The following DMAC2 variants were observed in gnomAD, a reference collection of about 807,000 sequenced individuals.
DMAC2 encodes the protein distal membrane-arm assembly complex protein 2.
Under a neutral mutation model 29.6 loss-of-function variants are expected in DMAC2, and 32 were observed. That is an observed-to-expected ratio of 1.08 (90% confidence interval 0.81 to 1.45). DMAC2 has a LOEUF of 1.45. DMAC2 is among the 40% of genes most tolerant of loss of function. The probability of loss-of-function intolerance (pLI) is 0.00; values close to 1 mark genes in which losing one functional copy is unlikely to be tolerated. For synonymous variants in DMAC2, 133 were observed against 137.4 expected (o/e 0.97, Z 0.23); for missense variants, 319 against 340.0 (o/e 0.94, Z 0.49).
chr19:41,436,279 C>T, intron 3 of DMAC2, 113 bp downstream of exon 3: 1 of 861,398 alleles, frequency 1.2e-6, no homozygotes, highest in South Asian at 1.5e-5. Context: ...GCCACACAGC[C>T]AGGAGGCGGC....
At chr19:41,432,776 C>A in intron 5 of DMAC2, 1 of 271,896 alleles carries the variant, frequency 3.7e-6, no homozygotes, top group South Asian at 4.1e-5. Flanking sequence ...AGGTACAGGA[C>A]AGCGTGCGTG....
At chr19:41,438,462 A>T in intron 1 of DMAC2, 48 bp from the exon 2 acceptor site, 4 of 1,495,664 alleles carry the variant, frequency 2.7e-6, no homozygotes, top group Non-Finnish European at 2.7e-6. Flanking sequence ...CTCCTGGGAG[A>T]CACAGAGCTG....
At chr19:41,435,113 G>A (rs886256648) in intron 3 of DMAC2, among the ~76,000 whole-genome samples, 2 of 152,136 alleles carry the variant, frequency 1.3e-5, no homozygotes, top group Admixed American at 6.5e-5. Context: ...CTGGGTAGCT[G>A]GGATTACAGG....
In DMAC2 at chr19:41,432,060, A is replaced by G; in HGVS notation, c.*171T>C. The G allele has an allele frequency of 1.4e-6, 1 of 736,054 alleles. No homozygotes were observed. The highest frequency in any genetic ancestry group is 2.2e-6 in the Non-Finnish European group (1 of 458,668). The allele number at this position is 736,054 out of a possible 1,614,324, so 45.6% of individuals were successfully genotyped here. A position where few individuals can be genotyped will look rare whatever the true frequency, so the allele number is the denominator to read the frequency against. On this transcript the variant is annotated 3_prime_UTR_variant, in exon 6 of 6. Coordinates refer to ENST00000221943, the MANE Select transcript of DMAC2 (RefSeq NM_018035.3). Reference sequence around the variant, plus strand: ...TGACAGGAGCTGTGACCTTTAGCCAAGGGCAGCCAGGAATAAATACTGGGA... The same window carrying G: ...TGACAGGAGCTGTGACCTTTAGCCAGGGGCAGCCAGGAATAAATACTGGGA...
At chr19:41,432,865 CGTGCGTGTGTGTGT>C (rs1568518033) in intron 5 of DMAC2, 10 of 378,854 alleles carry the variant, frequency 2.6e-5, no homozygotes, top group African/African-American at 2.2e-4. Context: ...AGTGTGTGTG[CGTGCGTGTGTGTGT>C]GTGCGTGCGT....
chr19:41,439,314 T>C, intron 1 of DMAC2: 1 of 551,672 alleles, frequency 1.8e-6, no homozygotes, highest in Non-Finnish European at 3.2e-6. Context: ...CTAAATTCAT[T>C]CCTTGATTTT....
chr19:41,439,395 T>C (rs1337422509), intron 1 of DMAC2: 4 of 1,037,392 alleles, frequency 3.9e-6, no homozygotes, highest in African/African-American at 3.2e-5. Flanking sequence ...AACCTCCAAA[T>C]TGACCTCTTG....
In DMAC2 at chr19:41,432,228, A is replaced by T. The variant is rs1555769097; in HGVS notation, c.*3T>A. 6.2e-7 allele frequency: 1 copy of T among 1,612,902 alleles called. No homozygotes were observed. The highest frequency in any genetic ancestry group is 1.7e-5 in the Admixed American group (1 of 59,952). The stretch of plus-strand genomic sequence containing the variant: ...GCCACGTGAGTGGGGACAGGGCTAA[A>T]GGCTAGGCAGGGACAGGGCTGGCTG... On this transcript the variant is annotated 3_prime_UTR_variant, in exon 6 of 6. Transcript: ENST00000221943.
intron 3 of DMAC2, among the ~76,000 whole-genome samples, chr19:41,435,166 C>T (rs971247742): frequency 3.3e-5 from 5 of 151,920 alleles, no homozygotes; most frequent in South Asian, 2.1e-4. Flanking sequence ...TTGGTAGAGA[C>T]GAGGTTTCAC....
rs1555771831 is a variant in DMAC2 at position 41,438,340 on chromosome 19, TGG to T, written c.91_92del (p.Pro31ArgfsTer38). ...GIHRLGAAVA[P>X]EGNQKKKRTI... ...TCCTTTTCTTCTTCTGATTGCCCTCTGGGGCCACTGCCGCACCCAGGCGATGG... is the reference window on the plus strand; with the variant it reads ...TCCTTTTCTTCTTCTGATTGCCCTCTGGCCACTGCCGCACCCAGGCGATGG... On this transcript the variant is annotated frameshift_variant, in exon 2 of 6. Transcript: ENST00000221943. LOFTEE classifies it high-confidence loss of function. The T allele has an allele frequency of 2.5e-6, 4 of 1,614,246 alleles. No individual in the cohort carries two copies. The highest frequency in any genetic ancestry group is 3.4e-6 in the Non-Finnish European group (4 of 1,180,034).
chr19:41,439,911 T>G lies in DMAC2; in HGVS notation c.-12A>C. The G allele has an allele frequency of 6.2e-7, 1 of 1,614,184 alleles. No individual in the cohort carries two copies. The highest frequency in any genetic ancestry group is 8.5e-7 in the Non-Finnish European group (1 of 1,180,030). On this transcript the variant is annotated 5_prime_UTR_variant, in exon 1 of 6. Coordinates refer to ENST00000221943, the MANE Select transcript of DMAC2 (RefSeq NM_018035.3). ...CAGGGAGCCGCCATCTTGCTAAGGT[T>G]TCGTAACCGGAAGGGGCCGGTCTTA...
intron 2 of DMAC2, among the ~76,000 whole-genome samples, chr19:41,437,720 T>C (rs1487413623): frequency 6.7e-6 from 1 of 148,946 alleles, no homozygotes; most frequent in East Asian, 1.9e-4. Context: ...AAAAAGAGTA[T>C]GGGAACAAAA....
intron 1 of DMAC2, chr19:41,439,356 T>C (rs577788933): frequency 1.7e-5 from 11 of 639,086 alleles, no homozygotes; most frequent in African/African-American, 1.5e-4. Flanking sequence ...CAAATTCTCC[T>C]CTTAATTTCA....
intron 3 of DMAC2, among the ~76,000 whole-genome samples, chr19:41,435,251 A>G (rs1444627745): frequency 1.3e-5 from 2 of 151,590 alleles, no homozygotes; most frequent in Non-Finnish European, 2.9e-5. Context: ...GTGCAAAGGC[A>G]TGAGCTACCA....
chr19:41,436,178 T>C (rs2039855213), intron 3 of DMAC2, among the ~76,000 whole-genome samples: 1 of 152,174 alleles, frequency 6.6e-6, no homozygotes, highest in Non-Finnish European at 1.5e-5. Context: ...GCCCGGCCCC[T>C]GTTCACTCTT....
chr19:41,432,787 T>TGC (rs1568517631), intron 5 of DMAC2: 14 of 130,518 alleles, frequency 1.1e-4, no homozygotes, highest in Non-Finnish European at 1.6e-4. Flanking sequence ...AGCGTGCGTG[T>TGC]GTGTGTGTGT....
Position 41,436,461 on chromosome 19 carries a change from C to A in DMAC2, c.227G>T (p.Trp76Leu), listed in dbSNP as rs1555771205. The change falls in exon 3 of 6, where the codon TGG (tryptophan) becomes TTG (leucine). Residue 76 changes from tryptophan to leucine, a missense_variant. Physicochemically the swap from Trp to Leu is moderately conservative, Grantham distance 61. Transcript: ENST00000221943. ...KVHEKNRSYTWLEKQHGPYGA... is the reference protein window; with the variant it reads ...KVHEKNRSYTLLEKQHGPYGA... Reference sequence around the variant, plus strand: ...GTATGGACCATGTTGCTTCTCCAGCCAGGTGTAAGATCTGCAGAGAAAATG... The same window carrying A: ...GTATGGACCATGTTGCTTCTCCAGCAAGGTGTAAGATCTGCAGAGAAAATG... The A allele has an allele frequency of 6.2e-7, 1 of 1,614,158 alleles. No individual in the cohort carries two copies. Among genetic ancestry groups the A allele is most frequent in the East Asian group, 2.2e-5 (1 of 44,892 alleles).
intron 2 of DMAC2, among the ~76,000 whole-genome samples, chr19:41,437,968 G>C (rs1230931913): frequency 1.3e-5 from 2 of 152,218 alleles, no homozygotes; most frequent in African/African-American, 4.8e-5. Flanking sequence ...ATGTTTTTAG[G>C]GGAGAAATCA....
intron 1 of DMAC2, chr19:41,439,448 G>GTCAA (rs1462611142): frequency 1.3e-6 from 2 of 1,524,744 alleles, no homozygotes; most frequent in Non-Finnish European, 1.8e-6. Flanking sequence ...GTAAAAATTC[G>GTCAA]TCAATCTCCC....
Sources: allele counts gnomAD v4.1 joint callset (sites outside exome capture counted in the v4.1 genomes callset), GRCh38; gene constraint gnomAD v4.1.1; transcripts MANE v1.5; gene names NCBI Gene and HGNC (gene_info 2026-07-23, HGNC 2026-07-21).